The following MGAT4C variants were observed in gnomAD, a reference collection of about 807,000 sequenced individuals.
MGAT4C encodes alpha-1,3-mannosyl-glycoprotein 4-beta-N-acetylglucosaminyltransferase C.
MGAT4C carries 19 observed loss-of-function variants against 40.1 expected under a neutral mutation model. The observed-to-expected ratio is 0.47, with a 90% CI of 0.33 to 0.70. The LOEUF (loss-of-function observed/expected upper bound fraction) is 0.70. MGAT4C is among the 30% of genes least tolerant of loss of function. The pLI is 0.02. For missense variants in MGAT4C, 491 were observed against 563.2 expected (o/e 0.87, Z 1.30); for synonymous variants, 181 against 187.1 (o/e 0.97, Z 0.27).
At chr12:86,024,655 G>A (rs1890089835) in intron 2 of MGAT4C, among the ~76,000 whole-genome samples, 1 of 151,712 alleles carries the variant, frequency 6.6e-6, no homozygotes, top group Admixed American at 6.6e-5. Context: ...GGTAATTCAA[G>A]TTTAAGAAGA....
intron 1 of MGAT4C, among the ~76,000 whole-genome samples, chr12:86,206,894 T>A (rs778106882): frequency 1.6e-4 from 25 of 152,170 alleles, no homozygotes; most frequent in Non-Finnish European, 3.1e-4. Flanking sequence ...TCACCTCAGT[T>A]TCTTTTTCTT....
chr12:86,766,008 C>A (rs1470654012), intron 1 of MGAT4C, among the ~76,000 whole-genome samples: 1 of 152,082 alleles, frequency 6.6e-6, no homozygotes, highest in Non-Finnish European at 1.5e-5. Flanking sequence ...ATCAAATTCA[C>A]ACATAACAAT....
chr12:86,265,207 G>A (rs370622757), intron 4 of MGAT4C, among the ~76,000 whole-genome samples: 442 of 152,182 alleles, frequency 2.9e-3, no homozygotes, highest in African/African-American at 0.01. Flanking sequence ...CCCATGTCAG[G>A]TGTGACATCC....
chr12:86,074,241 T>G (rs1869197573), intron 1 of MGAT4C, among the ~76,000 whole-genome samples: 1 of 152,138 alleles, frequency 6.6e-6, no homozygotes, highest in Non-Finnish European at 1.5e-5. Flanking sequence ...ATTAAATCTC[T>G]TTTAGTTCTC....
intron 2 of MGAT4C, among the ~76,000 whole-genome samples, chr12:86,031,904 C>T (rs1890790265): frequency 1.3e-5 from 2 of 151,578 alleles, no homozygotes; most frequent in Non-Finnish European, 3.0e-5. Flanking sequence ...TTTTTTGATC[C>T]TCATCTTTCT....
intron 2 of MGAT4C, among the ~76,000 whole-genome samples, chr12:86,446,062 T>C (rs1957329006): frequency 6.6e-6 from 1 of 152,144 alleles, no homozygotes; most frequent in Non-Finnish European, 1.5e-5. Flanking sequence ...ACTTTATATG[T>C]ATGTGTGTGT....
chr12:86,627,230 G>A lies in MGAT4C; in HGVS notation c.-229+99979C>T, dbSNP rs142348942. On this transcript the variant is annotated intron_variant, in intron 2 of 7. Coordinates refer to the MGAT4C transcript ENST00000548651. ...CAAGGTGACCAGGAATCTTGAACTC[G>A]GTGGAGCCCACCACAGCTCAGCGAG... is the stretch of plus-strand genomic sequence containing the variant. 2.8e-4 allele frequency among the ~76,000 whole-genome samples: 43 copies of A among 152,248 alleles called. No homozygotes were observed. In the East Asian group the frequency reaches 7.0e-3, roughly 25 times the overall value.
intron 2 of MGAT4C, among the ~76,000 whole-genome samples, chr12:86,451,353 C>G (rs1202451209): frequency 6.6e-6 from 1 of 152,170 alleles, no homozygotes; most frequent in Non-Finnish European, 1.5e-5. Context: ...GTTTCCTGTA[C>G]ACCTGCAGAA....
rs145420677 is a variant in MGAT4C, at chr12:86,116,680, A to G, written c.-56-66957T>C. On this transcript the variant is annotated intron_variant, in intron 1 of 4. Coordinates refer to ENST00000611864, the MANE Select transcript of MGAT4C (RefSeq NM_001351288.2). ...GGAGTGAATTACCTCATGGGAAAAT[A>G]AGTATCTGTCAGTCAAGTTGAGCAA... Among the ~76,000 whole-genome samples the G allele has an allele frequency of 2.9e-4, 44 of 152,264 alleles. No homozygotes were observed. The East Asian group carries it at 7.9e-3, about 27-fold the overall frequency.
intron 2 of MGAT4C, among the ~76,000 whole-genome samples, chr12:86,538,890 A>C (rs1381633038): frequency 6.6e-6 from 1 of 152,166 alleles, no homozygotes; most frequent in Non-Finnish European, 1.5e-5. Context: ...TACAGGCATG[A>C]GCCACTGTGC....
intron 2 of MGAT4C, among the ~76,000 whole-genome samples, chr12:86,474,533 A>G (rs1957804852): frequency 6.6e-6 from 1 of 152,132 alleles, no homozygotes; most frequent in African/African-American, 2.4e-5. Context: ...TAATAATAAA[A>G]GAAAGGAACA....
At chr12:86,341,701 C>T (rs1400840565) in intron 3 of MGAT4C, among the ~76,000 whole-genome samples, 1 of 152,174 alleles carries the variant, frequency 6.6e-6, no homozygotes, top group South Asian at 2.1e-4. Flanking sequence ...CCTGAGCCAA[C>T]CCAGGGCAGA....
At position 85,989,464 on chromosome 12, in the gene MGAT4C, A is replaced by T. The variant is rs1371143640; in HGVS notation, c.83T>A (p.Phe28Tyr). 6.2e-7 allele frequency: 1 copy of T among 1,608,446 alleles called. No homozygotes were observed. The highest frequency in any genetic ancestry group is 8.5e-7 in the Non-Finnish European group (1 of 1,176,644). ...GAGAAAAATGACAAGAACTCCCAAGAATGACACTGTAGAACGTTTTCTCAG... is the reference window on the plus strand; with the variant it reads ...GAGAAAAATGACAAGAACTCCCAAGTATGACACTGTAGAACGTTTTCTCAG... ...RCLRKRSTVS[F>Y]LGVLVIFLLF... Residue 28 changes from phenylalanine to tyrosine, a missense_variant, in exon 3 of 5, where the codon TTC becomes TAC. Coordinates refer to ENST00000611864, the MANE Select transcript of MGAT4C (RefSeq NM_001351288.2).
chr12:86,381,071 G>A (rs1955918842), intron 3 of MGAT4C, among the ~76,000 whole-genome samples: 1 of 152,230 alleles, frequency 6.6e-6, no homozygotes, highest in East Asian at 1.9e-4. Flanking sequence ...CAACAGTTAT[G>A]AGCAGGTGAA....
Position 86,225,799 on chromosome 12 carries a change from T to C in MGAT4C, c.-57+30440A>G, listed in dbSNP as rs1390966563. ...GGCATTGAAGGAACATACCTCTAAA[T>C]AATAAAGGCCAAATATGACACACCC... is the stretch of plus-strand genomic sequence containing the variant. On this transcript the variant is annotated intron_variant, in intron 1 of 4. Transcript: ENST00000611864. Among the ~76,000 whole-genome samples, 4 of 152,114 alleles carry C rather than the reference T, an allele frequency of 2.6e-5. No individual in the cohort carries two copies. The East Asian group carries it at 7.7e-4, about 29-fold the overall frequency.
intron 1 of MGAT4C, among the ~76,000 whole-genome samples, chr12:86,764,616 C>A (rs542768277): frequency 3.4e-5 from 5 of 148,688 alleles, no homozygotes; most frequent in East Asian, 4.0e-4. Context: ...AGGCACCCCC[C>A]AGTAGGGGCA....
chr12:86,591,593 T>G (rs1160917265), intron 2 of MGAT4C, among the ~76,000 whole-genome samples: 1 of 151,974 alleles, frequency 6.6e-6, no homozygotes, highest in South Asian at 2.1e-4. Context: ...AGAGAATACT[T>G]AAGAACTCAT....
chr12:86,476,164 C>A (rs964041599), intron 2 of MGAT4C, among the ~76,000 whole-genome samples: 3 of 151,936 alleles, frequency 2.0e-5, no homozygotes, highest in Non-Finnish European at 4.4e-5. Context: ...AAAATGTAGA[C>A]CAAGGGTAGA....
intron 3 of MGAT4C, among the ~76,000 whole-genome samples, chr12:86,380,337 T>A (rs1404428683): frequency 6.6e-6 from 1 of 152,164 alleles, no homozygotes; most frequent in Non-Finnish European, 1.5e-5. Flanking sequence ...TTTCTTTTGG[T>A]TAAATAGACT....
Sources: gnomAD v4.1 joint callset for allele counts (sites outside exome capture counted in the v4.1 genomes callset) on GRCh38, gnomAD v4.1.1 for gene constraint, MANE v1.5 for transcripts, NCBI Gene and HGNC (gene_info 2026-07-23, HGNC 2026-07-21) for gene names.